The following PHEX variants were observed in gnomAD, a reference collection of about 807,000 sequenced individuals.
PHEX encodes the protein phosphate-regulating neutral endopeptidase PHEX.
PHEX carries 16 observed loss-of-function variants against 68.0 expected under a neutral mutation model. The ratio of observed to expected loss-of-function variants is 0.24; its 90% CI spans 0.16 to 0.36. The LOEUF is 0.36. PHEX is among the 10% of genes least tolerant of loss of function. The pLI, the probability that PHEX is intolerant of heterozygous loss-of-function variation, is 1.00. For synonymous variants in PHEX, 208 were observed against 205.1 expected (o/e 1.01, Z -0.12); for missense variants, 480 against 575.5 (o/e 0.83, Z 1.70).
At chrX:22,180,054 T>C (rs1933838011) in intron 14 of PHEX, among the ~76,000 whole-genome samples, 1 of 109,984 alleles carries the variant, frequency 9.1e-6, no homozygotes, top group Admixed American at 9.7e-5. Flanking sequence ...TACTGCCGAA[T>C]AGATCTTCTC....
intron 2 of PHEX, among the ~76,000 whole-genome samples, chrX:22,041,302 T>TATATATATATATATATATA (rs1569367522): frequency 1.0e-5 from 1 of 97,679 alleles, no homozygotes; most frequent in African/African-American, 3.9e-5. Flanking sequence ...TATATATATA[T>TATATATATATATATATATA]TTTAACCAGG....
intron 11 of PHEX, among the ~76,000 whole-genome samples, chrX:22,124,089 C>G (rs1908735232): frequency 9.0e-6 from 1 of 110,802 alleles, no homozygotes. Context: ...CCTCAGCGTC[C>G]CAAAGTGCTG....
intron 3 of PHEX, among the ~76,000 whole-genome samples, chrX:22,047,724 G>A (rs769520882): frequency 1.7e-4 from 19 of 111,594 alleles, no homozygotes; most frequent in Middle Eastern, 8.5e-3. Context: ...CTCTAGCAAT[G>A]ACAAGCTCAC....
chrX:22,155,639 G>T (rs1280159160), intron 12 of PHEX, among the ~76,000 whole-genome samples: 2 of 111,658 alleles, frequency 1.8e-5, no homozygotes, highest in Non-Finnish European at 3.8e-5. Flanking sequence ...TCCCATTTTG[G>T]TTAATATTTC....
chrX:22,108,760 G>T (rs985415603), intron 9 of PHEX, among the ~76,000 whole-genome samples: 1 of 110,640 alleles, frequency 9.0e-6, no homozygotes, highest in Non-Finnish European at 1.9e-5. Context: ...TGACCAACAT[G>T]GTGAAACCCC....
chrX:22,243,896 C>G (rs1348654504), intron 20 of PHEX, among the ~76,000 whole-genome samples: 3 of 111,780 alleles, frequency 2.7e-5, no homozygotes, highest in African/African-American at 9.8e-5. Flanking sequence ...GATCTAGAAC[C>G]AGAAATACCA....
chrX:22,036,447 A>C (rs1927025233), intron 1 of PHEX, among the ~76,000 whole-genome samples: 1 of 111,597 alleles, frequency 9.0e-6, no homozygotes, highest in Admixed American at 9.6e-5. Context: ...TTGGGTCAAG[A>C]ATTATCTCTC....
intron 12 of PHEX, among the ~76,000 whole-genome samples, chrX:22,165,512 G>A (rs1003623479): frequency 9.0e-5 from 10 of 111,298 alleles, no homozygotes; most frequent in Non-Finnish European, 1.9e-4. Context: ...GGAGGCGGAG[G>A]TGCAGGTGCA....
intron 11 of PHEX, among the ~76,000 whole-genome samples, chrX:22,130,667 C>G (rs755425206): frequency 9.1e-6 from 1 of 109,797 alleles, no homozygotes; most frequent in South Asian, 3.9e-4. Context: ...GAAATTGTGA[C>G]TTATGCATCT....
intron 3 of PHEX, among the ~76,000 whole-genome samples, chrX:22,069,866 GACTTAGTTA>G (rs1244623527): frequency 3.8e-4 from 43 of 111,954 alleles, no homozygotes; most frequent in African/African-American, 1.3e-3. Flanking sequence ...CACGGACCAT[GACTTAGTTA>G]ACTTGAATTT....
intron 2 of PHEX, among the ~76,000 whole-genome samples, chrX:22,040,652 GT>G (rs1927232302): frequency 9.0e-6 from 1 of 111,618 alleles, no homozygotes; most frequent in Admixed American, 9.5e-5. Flanking sequence ...GGCTTTCCAG[GT>G]GGGGGGAACA....
At chrX:22,136,218 G>C (rs1932226926) in intron 12 of PHEX, among the ~76,000 whole-genome samples, 1 of 110,406 alleles carries the variant, frequency 9.1e-6, no homozygotes, top group Non-Finnish European at 1.9e-5. Flanking sequence ...TGCTGTCCTC[G>C]ATTTGATTGC....
rs189948603 is a variant in PHEX, at chrX:22,092,401, C to T, written c.733-1582C>T. Among the ~76,000 whole-genome samples the T allele has an allele frequency of 2.2e-3, 245 of 111,661 alleles. 1 individual carries two copies. Among genetic ancestry groups the T allele is most frequent in the African/African-American group, 7.1e-3 (217 of 30,730 alleles). On this transcript the variant is annotated intron_variant, in intron 6 of 21. Coordinates refer to ENST00000379374, the MANE Select transcript of PHEX (RefSeq NM_000444.6). The stretch of plus-strand genomic sequence containing the variant: ...TTTGGTTTTTCTTTTTAGATAGAGT[C>T]TCACTGTGTTGCCCCTGCTGAAGTG...
chrX:22,182,885 C>T (rs1197362069), intron 14 of PHEX, among the ~76,000 whole-genome samples: 1 of 112,064 alleles, frequency 8.9e-6, no homozygotes, highest in Non-Finnish European at 1.9e-5. Context: ...GCCTGCTCTA[C>T]TTAATGCCAA....
chrX:22,046,751 G>C (rs1272542826), intron 2 of PHEX, among the ~76,000 whole-genome samples: 1 of 109,726 alleles, frequency 9.1e-6, no homozygotes, highest in African/African-American at 3.3e-5. Flanking sequence ...ATTTTTAGTA[G>C]AGATGGGTTT....
intron 14 of PHEX, among the ~76,000 whole-genome samples, chrX:22,187,503 T>A (rs1243319084): frequency 8.9e-6 from 1 of 111,953 alleles, no homozygotes; most frequent in African/African-American, 3.2e-5. Flanking sequence ...GGGCTTGTGA[T>A]TAGATTGAGC....
chrX:22,123,041 G>A (rs1332842381), intron 11 of PHEX, among the ~76,000 whole-genome samples: 3 of 100,202 alleles, frequency 3.0e-5, no homozygotes, highest in African/African-American at 1.1e-4. Flanking sequence ...CCAGGCTGGA[G>A]TGCAGTGGTG....
intron 3 of PHEX, among the ~76,000 whole-genome samples, chrX:22,054,432 G>A (rs1014139366): frequency 5.4e-5 from 6 of 112,068 alleles, no homozygotes; most frequent in Non-Finnish European, 1.1e-4. Context: ...ACCGCACCCG[G>A]CCACTTCATG....
At chrX:22,222,921 A>G in intron 18 of PHEX, among the ~76,000 whole-genome samples, 1 of 112,102 alleles carries the variant, frequency 8.9e-6, no homozygotes, top group African/African-American at 3.2e-5. Context: ...TCCAAAGTCC[A>G]TACTGCTTCC....
Sources: gnomAD v4.1 joint callset for allele counts (sites outside exome capture counted in the v4.1 genomes callset) on GRCh38, gnomAD v4.1.1 for gene constraint, MANE v1.5 for transcripts, NCBI Gene and HGNC (gene_info 2026-07-23, HGNC 2026-07-21) for gene names.